The following G3BP2 variants were observed in gnomAD, a reference collection of about 807,000 sequenced individuals.
G3BP2 encodes ras GTPase-activating protein-binding protein 2.
In G3BP2, 11 loss-of-function variants were observed where a neutral mutation model predicts 56.7. That is an observed-to-expected ratio of 0.19 (90% CI 0.12 to 0.32). The LOEUF is 0.32. Among genes scored for constraint, G3BP2 ranks in the 10% least tolerant of loss-of-function variants. The probability of loss-of-function intolerance (pLI) is 1.00; values close to 1 mark genes in which losing one functional copy is unlikely to be tolerated. For missense variants in G3BP2, 340 were observed against 610.9 expected (o/e 0.56, Z 4.67); for synonymous variants, 165 against 191.6 (o/e 0.86, Z 1.15).
Position 75,643,295 on chromosome 4 carries a change from T to TTATATATATATATATATATATATATAGA in G3BP2, c.*2134_*2135insTCTATATATATATATATATATATATATA, listed in dbSNP as rs6148524. The TTATATATATATATATATATATATATAGA allele has an allele frequency of 1.0e-5, 1 of 99,942 alleles. No individual in the cohort carries two copies. Among genetic ancestry groups the TTATATATATATATATATATATATATAGA allele is most frequent in the Non-Finnish European group, 2.2e-5 (1 of 46,322 alleles). The allele number at this position is 99,942 out of a possible 1,614,324, so 6.2% of individuals were successfully genotyped here. On this transcript the variant is annotated 3_prime_UTR_variant, in exon 12 of 12. Coordinates refer to ENST00000359707, the MANE Select transcript of G3BP2 (RefSeq NM_203505.3). The stretch of plus-strand genomic sequence containing the variant: ...GCAGGGCAATATCCTGAATTGGAAA[T>TTATATATATATATATATATATATATAGA]TATATATATATATATATATATGGAA...
intron 2 of G3BP2, among the ~76,000 whole-genome samples, chr4:75,721,020 C>T (rs1720156280): frequency 6.6e-6 from 1 of 150,796 alleles, no homozygotes; most frequent in South Asian, 2.1e-4. Flanking sequence ...TGGTGTGCAC[C>T]TGTAGTCCTA....
At chr4:75,646,894 T>C (rs781134002) in intron 10 of G3BP2, 135 bp downstream of exon 10, 4 of 580,228 alleles carry the variant, frequency 6.9e-6, no homozygotes, top group Non-Finnish European at 3.0e-6. Context: ...TTCTGCACAA[T>C]TAAGGTGGGT....
intron 3 of G3BP2, among the ~76,000 whole-genome samples, chr4:75,710,285 G>A (rs761142185): frequency 6.6e-6 from 1 of 152,064 alleles, no homozygotes; most frequent in Non-Finnish European, 1.5e-5. Flanking sequence ...GGTGGATGAC[G>A]ACATGAGAAA....
chr4:75,656,407 A>G (rs2148980271), intron 5 of G3BP2, among the ~76,000 whole-genome samples: 1 of 152,306 alleles, frequency 6.6e-6, no homozygotes, highest in Non-Finnish European at 1.5e-5. Context: ...GAAAAAAACA[A>G]ATCTTTCAGT....
At chr4:75,675,248 C>A (rs77384744), upstream of G3BP2, among the ~76,000 whole-genome samples, 2,423 of 152,250 alleles carry the variant, frequency 0.016, 143 homozygotes, top group East Asian at 0.1. Flanking sequence ...CAAGTGTTTC[C>A]GGTTTGGAGC....
chr4:75,697,795 G>A (rs1457931173), intron 3 of G3BP2, among the ~76,000 whole-genome samples: 1 of 151,948 alleles, frequency 6.6e-6, no homozygotes, highest in African/African-American at 2.4e-5. Context: ...TTAGCTAGGC[G>A]CGGTGGCACA....
At chr4:75,692,955 G>T (rs1346783705) in intron 3 of G3BP2, among the ~76,000 whole-genome samples, 2 of 152,120 alleles carry the variant, frequency 1.3e-5, no homozygotes, top group African/African-American at 4.8e-5. Flanking sequence ...TTTTAAAATC[G>T]AGAAATTTCA....
intron 8 of G3BP2, among the ~76,000 whole-genome samples, chr4:75,652,338 T>C (rs1168503202): frequency 3.3e-5 from 5 of 152,182 alleles, no homozygotes; most frequent in Non-Finnish European, 7.4e-5. Flanking sequence ...AAGGTTTACA[T>C]GAGGCTGGGC....
At chr4:75,675,802 C>CA (rs1733854740), upstream of G3BP2, among the ~76,000 whole-genome samples, 1 of 152,124 alleles carries the variant, frequency 6.6e-6, no homozygotes, top group East Asian at 1.9e-4. Flanking sequence ...TCAAAAAAAA[C>CA]AAACACCACT....
At position 75,660,721 on chromosome 4, in the gene G3BP2, A is replaced by C. The variant is rs146372795; in HGVS notation, c.95+1210T>G. On this transcript the variant is annotated intron_variant, in intron 2 of 11. Transcript: ENST00000359707. ...ACAGATAAAGGAATTTAAGTCTTTT[A>C]AACAGCCTTTCTCACAGTAAGTGGC... Among the ~76,000 whole-genome samples, 62 of 152,330 alleles carry C rather than the reference A, an allele frequency of 4.1e-4. No homozygotes were observed. In the East Asian group the frequency reaches 0.011, roughly 27 times the overall value.
At chr4:75,694,018 G>A (rs917178564) in intron 3 of G3BP2, among the ~76,000 whole-genome samples, 2 of 152,052 alleles carry the variant, frequency 1.3e-5, no homozygotes, top group Non-Finnish European at 2.9e-5. Flanking sequence ...TGGGATTACA[G>A]GTGTGAGGCA....
At chr4:75,718,051 G>A (rs995384719) in intron 3 of G3BP2, among the ~76,000 whole-genome samples, 1 of 151,814 alleles carries the variant, frequency 6.6e-6, no homozygotes, top group African/African-American at 2.4e-5. Flanking sequence ...AGGCAGAATA[G>A]CTTGAACCTG....
chr4:75,721,827 T>C (rs548792053), intron 2 of G3BP2, among the ~76,000 whole-genome samples: 93 of 152,336 alleles, frequency 6.1e-4, no homozygotes, highest in African/African-American at 2.1e-3. Flanking sequence ...ATTTTGTTCG[T>C]TGATCTATTG....
chr4:75,687,428 T>C (rs2149076298), intron 3 of G3BP2, among the ~76,000 whole-genome samples: 1 of 152,322 alleles, frequency 6.6e-6, no homozygotes, highest in East Asian at 1.9e-4. Context: ...GTAAGTCCGC[T>C]GAACCTCTTT....
At chr4:75,672,999 G>C in intron 1 of G3BP2, 7 of 987,166 alleles carry the variant, frequency 7.1e-6, no homozygotes, top group Non-Finnish European at 8.4e-6. Context: ...TCCCTTCCCA[G>C]GCGGCCTCCC....
upstream of G3BP2, among the ~76,000 whole-genome samples, chr4:75,674,243 A>AG: frequency 6.6e-6 from 1 of 152,336 alleles, no homozygotes; most frequent in Non-Finnish European, 1.5e-5. Flanking sequence ...GAGATAGCAC[A>AG]GGAATTTTGG....
At chr4:75,699,974 T>C (rs956072356) in intron 3 of G3BP2, among the ~76,000 whole-genome samples, 2 of 152,172 alleles carry the variant, frequency 1.3e-5, no homozygotes, top group African/African-American at 4.8e-5. Context: ...ATCGCAAATG[T>C]AGAAAAGTAA....
chr4:75,699,651 G>A (rs1967495), intron 3 of G3BP2, among the ~76,000 whole-genome samples: 133,345 of 152,242 alleles, frequency 0.88, 58,418 homozygotes, highest in East Asian at 0.91. Context: ...GAACCATAAC[G>A]TATTGATTTT....
chr4:75,697,969 T>A (rs1274385960), intron 3 of G3BP2, among the ~76,000 whole-genome samples: 1 of 151,980 alleles, frequency 6.6e-6, no homozygotes, highest in Non-Finnish European at 1.5e-5. Flanking sequence ...AAATATGAAA[T>A]ACAAACAACC....
Sources: allele counts gnomAD v4.1 joint callset (sites outside exome capture counted in the v4.1 genomes callset), GRCh38; gene constraint gnomAD v4.1.1; transcripts MANE v1.5; gene names NCBI Gene and HGNC (gene_info 2026-07-23, HGNC 2026-07-21).